WNK1: variants seen among roughly 807,000 people sequenced by gnomAD.
WNK1 encodes serine/threonine-protein kinase WNK1.
A neutral mutation model predicts 222.8 loss-of-function variants in WNK1; 38 were observed. The ratio of observed to expected loss-of-function variants is 0.17; its 90% CI spans 0.13 to 0.22. The LOEUF (loss-of-function observed/expected upper bound fraction) is 0.22. Among genes scored for constraint, WNK1 ranks in the 10% least tolerant of loss-of-function variants. The probability of loss-of-function intolerance (pLI) is 1.00; values close to 1 mark genes in which losing one functional copy is unlikely to be tolerated. For synonymous variants in WNK1, 1,090 were observed against 1,092.9 expected (o/e 1.00, Z 0.05); for missense variants, 2,348 against 2,918.4 (o/e 0.80, Z 4.50).
At chr12:867,015 T>C (rs1592090030) in intron 8 of WNK1, among the ~76,000 whole-genome samples, 1 of 151,974 alleles carries the variant, frequency 6.6e-6, no homozygotes, top group African/African-American at 2.4e-5. Context: ...CCCAGCTACT[T>C]GGGAGGCTGA....
At chr12:876,346 T>C (rs1366548974) in intron 9 of WNK1, among the ~76,000 whole-genome samples, 1 of 152,106 alleles carries the variant, frequency 6.6e-6, no homozygotes, top group Non-Finnish European at 1.5e-5. Flanking sequence ...GAGGCGGAAC[T>C]TGCAGTGAGC....
At chr12:875,562 A>G (rs1486569083) in intron 9 of WNK1, among the ~76,000 whole-genome samples, 2 of 152,342 alleles carry the variant, frequency 1.3e-5, no homozygotes, top group African/African-American at 2.4e-5. Context: ...ATTTTAAACA[A>G]CTGGCTTAAA....
chr12:830,488 G>T (rs969840594), intron 4 of WNK1, among the ~76,000 whole-genome samples: 1 of 152,188 alleles, frequency 6.6e-6, no homozygotes. Flanking sequence ...ATAGGTCAGA[G>T]TTAAAAGTAA....
At position 781,026 on chromosome 12, in the gene WNK1, G is replaced by A. The variant is rs550727467; in HGVS notation, c.759+26702G>A. On this transcript the variant is annotated intron_variant, in intron 1 of 27. Transcript: ENST00000315939. ...ACATTTACATTGTGACTTAGTATAT[G>A]CACACATAAAAAGAAGAAAGTTTCA... 7.2e-5 allele frequency: 11 copies of A among 152,636 alleles called. No homozygotes were observed. The South Asian group carries it at 2.3e-3, about 32-fold the overall frequency. The allele number at this position is 152,636 out of a possible 1,614,324, so 9.5% of individuals were successfully genotyped here.
chr12:857,703 T>C (rs1304849335), intron 5 of WNK1, among the ~76,000 whole-genome samples: 3 of 152,140 alleles, frequency 2.0e-5, no homozygotes, highest in African/African-American at 7.2e-5. Flanking sequence ...ACATCAAAAT[T>C]CCTTGAGTAA....
intron 27 of WNK1, 84 bp from the exon 28 acceptor site, chr12:908,391 G>C (rs1592280846): frequency 7.3e-7 from 1 of 1,362,232 alleles, no homozygotes. Context: ...TATCTTACAG[G>C]ATTATACTAG....
chr12:784,585 A>T (rs940506682), intron 1 of WNK1, among the ~76,000 whole-genome samples: 2 of 152,234 alleles, frequency 1.3e-5, no homozygotes, highest in Non-Finnish European at 2.9e-5. Context: ...AAATTTAATA[A>T]GTTGTCCACA....
At chr12:839,080 A>T (rs1949421001) in intron 4 of WNK1, among the ~76,000 whole-genome samples, 3 of 152,248 alleles carry the variant, frequency 2.0e-5, no homozygotes, top group African/African-American at 7.2e-5. Context: ...TATTTTAGGG[A>T]TAGGTACTTA....
At chr12:765,041 G>C (rs1169234677) in intron 1 of WNK1, among the ~76,000 whole-genome samples, 2 of 148,010 alleles carry the variant, frequency 1.4e-5, no homozygotes, top group South Asian at 2.2e-4. Flanking sequence ...TGCCATGTTG[G>C]CCAGGCTGGT....
At chr12:873,397 T>G (rs558123150) in intron 9 of WNK1, among the ~76,000 whole-genome samples, 17 of 152,228 alleles carry the variant, frequency 1.1e-4, no homozygotes, top group Non-Finnish European at 2.2e-4. Context: ...GGCTAAATGC[T>G]ATCTCTACAG....
chr12:899,347 CA>C (rs1172999575), intron 25 of WNK1, among the ~76,000 whole-genome samples: 1 of 151,922 alleles, frequency 6.6e-6, no homozygotes, highest in Non-Finnish European at 1.5e-5. Context: ...GGCAGTGGCT[CA>C]ACCTCCAACT....
chr12:859,517 C>T, intron 6 of WNK1, 53 bp downstream of exon 6: 1 of 1,413,324 alleles, frequency 7.1e-7, no homozygotes, highest in Non-Finnish European at 9.9e-7. Context: ...TATATCAATA[C>T]TATCATTAAG....
At chr12:870,779 C>A (rs1008191621) in intron 8 of WNK1, among the ~76,000 whole-genome samples, 1 of 152,196 alleles carries the variant, frequency 6.6e-6, no homozygotes, top group African/African-American at 2.4e-5. Flanking sequence ...TAGCAATGAT[C>A]GCCCTAGGTA....
intron 1 of WNK1, among the ~76,000 whole-genome samples, chr12:762,060 TA>T (rs1157348925): frequency 2.2e-5 from 2 of 92,988 alleles, no homozygotes; most frequent in Admixed American, 2.3e-4. Context: ...TTTTTTAATT[TA>T]ATTTTTTTTT....
chr12:822,539 A>AT (rs1266429672), intron 2 of WNK1, among the ~76,000 whole-genome samples: 1 of 151,836 alleles, frequency 6.6e-6, no homozygotes, highest in Non-Finnish European at 1.5e-5. Flanking sequence ...ATATTTAGAT[A>AT]TTTTTTCAGT....
chr12:879,953 A>C lies in WNK1; in HGVS notation c.2754A>C (p.Ala918=), dbSNP rs1451717440. Residue 918 remains alanine (A), a synonymous_variant, in exon 11 of 28, where the codon GCA becomes GCC. Transcript: ENST00000315939. ...TTCACCCACAGCTCCTACAACCAGC[A>C]GTTCAGTCCATGGGAATACCAGCTA... ...SQVHPQLLQP[A]VQSMGIPANL... The C allele has an allele frequency of 6.2e-7, 1 of 1,614,182 alleles. No homozygotes were observed. Among genetic ancestry groups the C allele is most frequent in the Admixed American group, 1.7e-5 (1 of 60,018 alleles).
chr12:860,380 T>C (rs144055323), intron 6 of WNK1, among the ~76,000 whole-genome samples: 34 of 152,352 alleles, frequency 2.2e-4, no homozygotes, highest in Non-Finnish European at 4.6e-4. Context: ...AAATTTATGC[T>C]TGCCATAGTG....
intron 8 of WNK1, chr12:865,013 A>G: frequency 2.1e-6 from 3 of 1,405,592 alleles, no homozygotes; most frequent in Non-Finnish European, 2.8e-6. Flanking sequence ...AGGATGGAAC[A>G]TTTCTTCATG....
At chr12:844,374 A>G (rs1291359604) in intron 4 of WNK1, among the ~76,000 whole-genome samples, 3 of 152,036 alleles carry the variant, frequency 2.0e-5, no homozygotes, top group Admixed American at 1.3e-4. Flanking sequence ...GACCTCTAGC[A>G]ATCCACCAGC....
Sources: gnomAD v4.1 joint callset for allele counts (sites outside exome capture counted in the v4.1 genomes callset) on GRCh38, gnomAD v4.1.1 for gene constraint, MANE v1.5 for transcripts, NCBI Gene and HGNC (gene_info 2026-07-23, HGNC 2026-07-21) for gene names.